Variants in PDE4A observed in about 807,000 individuals in gnomAD.
The protein encoded by PDE4A is phosphodiesterase 4A, also known as 3',5'-cyclic-AMP phosphodiesterase 4A.
PDE4A carries 21 observed loss-of-function variants against 73.9 expected under a neutral mutation model. The ratio of observed to expected loss-of-function variants is 0.28; its 90% CI spans 0.20 to 0.41. PDE4A has a LOEUF of 0.41. Among genes scored for constraint, PDE4A ranks in the 10% least tolerant of loss-of-function variants. The pLI is 1.00. For missense variants in PDE4A, 958 were observed against 1,211.4 expected (o/e 0.79, Z 3.10); for synonymous variants, 463 against 505.4 (o/e 0.92, Z 1.13).
chr19:10,428,159 C>G (rs1466125995), intron 1 of PDE4A, among the ~76,000 whole-genome samples: 1 of 152,074 alleles, frequency 6.6e-6, no homozygotes, highest in Admixed American at 6.6e-5. Flanking sequence ...CAAGACCAGC[C>G]TGGGCAACAT....
Position 10,461,700 on chromosome 19 carries a change from G to GGGGGGGGGGGGGC in PDE4A, c.1620+20_1620+21insGGGGGGGGGGGGC. The GGGGGGGGGGGGGC allele has an allele frequency of 3.3e-6, 2 of 598,254 alleles. No individual in the cohort carries two copies. Among genetic ancestry groups the GGGGGGGGGGGGGC allele is most frequent in the Non-Finnish European group, 6.3e-6 (2 of 318,692 alleles). The allele number at this position is 598,254 out of a possible 1,614,324, so 37.1% of individuals were successfully genotyped here. A position where few individuals can be genotyped will look rare whatever the true frequency, so the allele number is the denominator to read the frequency against. ...GACATGGTGGGCGGGGCTGGGGCGG[G>GGGGGGGGGGGGGC]ACGGAGCGGGAAAGGAAGCCTAGGA... On this transcript the variant is annotated intron_variant, in intron 12 of 14. Coordinates refer to ENST00000380702, the MANE Select transcript of PDE4A (RefSeq NM_001111307.2).
intron 6 of PDE4A, chr19:10,452,808 T>A (rs2043112072): frequency 4.5e-6 from 1 of 222,638 alleles, no homozygotes; most frequent in African/African-American, 2.3e-5. Flanking sequence ...TGGGTCCTGA[T>A]GGGGACAGCC....
chr19:10,461,244 A>G (rs1430599700), intron 11 of PDE4A, 141 bp downstream of exon 11: 1 of 204,922 alleles, frequency 4.9e-6, no homozygotes, highest in Non-Finnish European at 5.8e-6. Flanking sequence ...ATGGCCGGGC[A>G]GGAGGCGGGG....
chr19:10,418,841 T>G (rs2042611710), upstream of PDE4A: 1 of 984,394 alleles, frequency 1.0e-6, no homozygotes, highest in African/African-American at 1.7e-5. Flanking sequence ...TCAAATATGA[T>G]CTGGGGAGAA....
At position 10,466,887 on chromosome 19, in the gene PDE4A, G is replaced by C; in HGVS notation, c.1927G>C (p.Val643Leu). 6.2e-7 allele frequency: 1 copy of C among 1,610,414 alleles called. No individual in the cohort carries two copies. The highest frequency in any genetic ancestry group is 1.3e-5 in the African/African-American group (1 of 74,944). Residue 643 changes from valine (V) to leucine (L), a missense_variant and splice_region_variant, in exon 15 of 15, where the codon GTG (valine) becomes CTG (leucine). Val to Leu is a conservative substitution (Grantham distance 32). This residue lies in a region of PDE4A where 570 missense variants were observed against 827.7 expected (regional missense o/e 0.69). Transcript: ENST00000380702. ...KHTASVEKSQ[V>L]GFIDYIVHPL... ...TTTATACTTTCTTCCCCTCCACCAG[G>C]TGGGTTTTATTGACTACATTGTGCA...
intron 1 of PDE4A, among the ~76,000 whole-genome samples, chr19:10,433,854 G>C (rs2042827313): frequency 6.6e-6 from 1 of 152,230 alleles, no homozygotes; most frequent in Non-Finnish European, 1.5e-5. Context: ...CGGGGAGCCG[G>C]GGGAGACACC....
chr19:10,461,483 C>A (rs894262880), intron 11 of PDE4A, 43 bp from the exon 12 acceptor site: 2 of 1,605,214 alleles, frequency 1.2e-6, no homozygotes, highest in Admixed American at 3.4e-5. Context: ...GCGGTTGGAG[C>A]TGCACACGTG....
chr19:10,462,280 G>C (rs1332796045), intron 13 of PDE4A, among the ~76,000 whole-genome samples: 1 of 151,290 alleles, frequency 6.6e-6, no homozygotes, highest in Non-Finnish European at 1.5e-5. Flanking sequence ...TCAGCCTGCC[G>C]AGTAGCTGGG....
At chr19:10,417,323 G>A, upstream of PDE4A, 2 of 985,204 alleles carry the variant, frequency 2.0e-6, no homozygotes, top group Non-Finnish European at 2.4e-6. Flanking sequence ...AGACCAAGAG[G>A]GGCCCTCTTA....
chr19:10,433,236 G>A lies in PDE4A; in HGVS notation c.320+12152G>A, dbSNP rs76148889. Among the ~76,000 whole-genome samples the A allele has an allele frequency of 6.8e-3, 1,029 of 152,130 alleles. 15 individuals are homozygous for A. Among genetic ancestry groups the A allele is most frequent in the African/African-American group, 0.023 (968 of 41,464 alleles). The stretch of plus-strand genomic sequence containing the variant: ...CGTACTAGGTATGGGTCTCCTGGCT[G>A]CACCAAGAGGACCCTGCAGTTGACT... On this transcript the variant is annotated intron_variant, in intron 1 of 14. Transcript: ENST00000380702.
rs74573192 is a variant in PDE4A at position 10,422,198 on chromosome 19, T to G, written c.320+1114T>G. 5.9e-3 allele frequency among the ~76,000 whole-genome samples: 898 copies of G among 152,278 alleles called. 6 individuals are homozygous for G. The highest frequency in any genetic ancestry group is 0.01 in the Non-Finnish European group (688 of 68,014). On this transcript the variant is annotated intron_variant, in intron 1 of 14. Transcript: ENST00000380702. Reference sequence around the variant, plus strand: ...AATGTGATTGTGACAGTGTCATTTCTGGCATGCAGTGATTGTGGCACTGGG... The same window carrying G: ...AATGTGATTGTGACAGTGTCATTTCGGGCATGCAGTGATTGTGGCACTGGG...
At chr19:10,448,498 G>A (rs756460757) in intron 2 of PDE4A, among the ~76,000 whole-genome samples, 35 of 151,558 alleles carry the variant, frequency 2.3e-4, no homozygotes, top group Non-Finnish European at 4.0e-4. Context: ...TTAGTGGGGC[G>A]AGAGGCACAT....
chr19:10,445,752 C>T (rs536018814), intron 1 of PDE4A, among the ~76,000 whole-genome samples: 44 of 143,568 alleles, frequency 3.1e-4, no homozygotes, highest in Non-Finnish European at 5.3e-4. Flanking sequence ...GCCTGGGCCA[C>T]AGAGCGAGAC....
intron 1 of PDE4A, among the ~76,000 whole-genome samples, chr19:10,426,207 C>T (rs1312312980): frequency 6.6e-6 from 1 of 151,844 alleles, no homozygotes; most frequent in African/African-American, 2.4e-5. Flanking sequence ...AGCTTTTGTC[C>T]TGGACTCGCT....
At chr19:10,460,752 C>T (rs1275693265) in intron 10 of PDE4A, among the ~76,000 whole-genome samples, 1 of 148,414 alleles carries the variant, frequency 6.7e-6, no homozygotes, top group Non-Finnish European at 1.5e-5. Flanking sequence ...GAGCCAAGAT[C>T]GTGCCACTGC....
intron 9 of PDE4A, 45 bp downstream of exon 9, chr19:10,459,543 C>T (rs760922491): frequency 2.0e-5 from 33 of 1,610,728 alleles, no homozygotes; most frequent in Non-Finnish European, 2.5e-5. Context: ...GGGCTCATAG[C>T]GGGGCGCTGG....
intron 6 of PDE4A, among the ~76,000 whole-genome samples, chr19:10,452,218 T>C (rs2043102253): frequency 6.6e-6 from 1 of 151,896 alleles, no homozygotes; most frequent in Non-Finnish European, 1.5e-5. Context: ...GGCGGGCGGA[T>C]CACCTGAGGT....
At chr19:10,418,177 C>T (rs1266234015), upstream of PDE4A, among the ~76,000 whole-genome samples, 2 of 152,208 alleles carry the variant, frequency 1.3e-5, no homozygotes, top group Admixed American at 6.5e-5. Context: ...CGGCTGTGCA[C>T]CGGCTTTCAT....
At chr19:10,464,779 G>A (rs1050229672) in intron 14 of PDE4A, among the ~76,000 whole-genome samples, 3 of 151,290 alleles carry the variant, frequency 2.0e-5, no homozygotes, top group African/African-American at 4.9e-5. Flanking sequence ...GTGCAGGGGC[G>A]TGATCTTGGC....
Sources: allele counts gnomAD v4.1 joint callset (sites outside exome capture counted in the v4.1 genomes callset), GRCh38; gene constraint gnomAD v4.1.1; regional missense constraint gnomAD v4.1.1; transcripts MANE v1.5; gene names NCBI Gene and HGNC (gene_info 2026-07-23, HGNC 2026-07-21).